TMF1: variants seen among roughly 807,000 people sequenced by gnomAD.
TMF1 encodes TATA element modulatory factor 1, also known as TATA element modulatory factor.
TMF1 carries 71 observed loss-of-function variants against 126.5 expected under a neutral mutation model. The ratio of observed to expected loss-of-function variants is 0.56; its 90% confidence interval spans 0.46 to 0.68. The LOEUF (loss-of-function observed/expected upper bound fraction) is 0.68. Among genes scored for constraint, TMF1 ranks in the 30% least tolerant of loss-of-function variants. The probability of loss-of-function intolerance (pLI) is 0.00; values close to 1 mark genes in which losing one functional copy is unlikely to be tolerated. For synonymous variants in TMF1, 461 were observed against 430.5 expected (o/e 1.07, Z -0.88); for missense variants, 1,259 against 1,253.2 (o/e 1.00, Z -0.07).
chr3:69,029,663 C>A (rs910636653), intron 11 of TMF1, 152 bp downstream of exon 11: 7 of 628,204 alleles, frequency 1.1e-5, no homozygotes, highest in African/African-American at 1.9e-5. Context: ...CTGGTCTCCA[C>A]CTCCTGACCT....
chr3:69,044,568 C>A lies in TMF1; in HGVS notation c.1375G>T (p.Glu459Ter). The A allele has an allele frequency of 6.2e-7, 1 of 1,607,560 alleles. No individual in the cohort carries two copies. Among genetic ancestry groups the A allele is most frequent in the Non-Finnish European group, 8.5e-7 (1 of 1,178,194 alleles). The change falls in exon 3 of 17, where the codon GAA becomes TAA. Residue 459 changes from glutamate to a stop codon, truncating the protein, a stop_gained. Transcript: ENST00000398559. LOFTEE classifies it high-confidence loss of function. ...KTVEFLNEKL[E>*]KREAQLLSLS... ...GATAATAACTGAGCCTCCCTTTTTT[C>A]CAGCTTTTCATTCAGAAATTCAACT...
chr3:69,042,375 G>A (rs770670657), intron 5 of TMF1: 14 of 455,834 alleles, frequency 3.1e-5, no homozygotes, highest in African/African-American at 8.0e-5. Context: ...AGACAAAAGT[G>A]CTTAATAATT....
At chr3:69,030,245 G>A (rs1575810348) in intron 10 of TMF1, 1 of 382,352 alleles carries the variant, frequency 2.6e-6, no homozygotes, top group Non-Finnish European at 4.7e-6. Flanking sequence ...CATTAAAAGA[G>A]TAGTGGATCA....
Position 69,023,182 on chromosome 3 carries a change from T to C in TMF1, c.3277A>G (p.Ser1093Gly). Residue 1093 changes from serine (S) to glycine (G), a missense_variant, in exon 17 of 17, where the codon AGT becomes GGT. Ser to Gly is a moderately conservative substitution (Grantham distance 56). Transcript: ENST00000398559. Reference sequence around the variant, plus strand: ...GGGAATTCAATTTTCACAAGTTAACTGAGACTTTGTCTTAAAAGTTCATCT... The same window carrying C: ...GGGAATTCAATTTTCACAAGTTAACCGAGACTTTGTCTTAAAAGTTCATCT... ...QIDELLRQSL[S>G] 1 of 1,609,574 alleles carries C rather than the reference T, an allele frequency of 6.2e-7. No homozygotes were observed. Among genetic ancestry groups the C allele is most frequent in the Non-Finnish European group, 8.5e-7 (1 of 1,177,186 alleles).
At chr3:69,026,119 T>A (rs746638304) in intron 13 of TMF1, 22 bp from the exon 14 acceptor site, 1 of 1,534,314 alleles carries the variant, frequency 6.5e-7, no homozygotes, top group African/African-American at 1.4e-5. Flanking sequence ...AAAAAAATTC[T>A]GTTCATATTA....
chr3:69,033,736 T>G, intron 9 of TMF1, 32 bp from the exon 10 acceptor site: 1 of 1,561,628 alleles, frequency 6.4e-7, no homozygotes, highest in Non-Finnish European at 8.6e-7. Context: ...TCATTACCAA[T>G]GACAGCAATA....
Position 69,028,280 on chromosome 3 carries a change from C to G in TMF1, c.2610G>C (p.Leu870Phe). The G allele has an allele frequency of 6.2e-7, 1 of 1,611,340 alleles. No homozygotes were observed. The highest frequency in any genetic ancestry group is 8.5e-7 in the Non-Finnish European group (1 of 1,177,984). The change falls in exon 12 of 17, where the codon TTG becomes TTC. Residue 870 changes from leucine (L) to phenylalanine (F), a missense_variant. Coordinates refer to ENST00000398559, the MANE Select transcript of TMF1 (RefSeq NM_007114.3). ...TTACATATTCATCTTTTAGGTTTTC[C>G]AATTCAACCTGGTACCTATTAAACA... is the stretch of plus-strand genomic sequence containing the variant. ...EDENNRYQVELENLKDEYVRT... is the reference protein window; with the variant it reads ...EDENNRYQVEFENLKDEYVRT...
In TMF1 at chr3:69,045,019, G is replaced by A. The variant is rs115312566; in HGVS notation, c.1348-424C>T. On this transcript the variant is annotated intron_variant, in intron 2 of 16. Transcript: ENST00000398559. Reference sequence around the variant, plus strand: ...CTGCATACACACCAAAAGAAGAAGGGAGATGGATGCAATCAAAAGAGGTCA... The same window carrying A: ...CTGCATACACACCAAAAGAAGAAGGAAGATGGATGCAATCAAAAGAGGTCA... Among the ~76,000 whole-genome samples, 366 of 152,306 alleles carry A rather than the reference G, an allele frequency of 2.4e-3. 1 individual carries two copies. Among genetic ancestry groups the A allele is most frequent in the African/African-American group, 8.3e-3 (346 of 41,572 alleles).
chr3:69,021,065 C>T lies in TMF1; in HGVS notation c.*2112G>A, dbSNP rs1269010108. 1.3e-5 allele frequency: 2 copies of T among 152,182 alleles called. No individual in the cohort carries two copies. Among genetic ancestry groups the T allele is most frequent in the African/African-American group, 4.8e-5 (2 of 41,438 alleles). 9.4% of individuals were successfully genotyped at this position (152,182 alleles called of 1,614,324 possible). On this transcript the variant is annotated 3_prime_UTR_variant, in exon 17 of 17. Transcript: ENST00000398559. Reference sequence around the variant, plus strand: ...GGTTTCGGTTACTCACGGTCAACCACAGTCTGATTACAGGTGAGTACAGTA... The same window carrying T: ...GGTTTCGGTTACTCACGGTCAACCATAGTCTGATTACAGGTGAGTACAGTA...
At chr3:69,051,178 G>C (rs142751419) in intron 1 of TMF1, among the ~76,000 whole-genome samples, 4 of 152,114 alleles carry the variant, frequency 2.6e-5, no homozygotes, top group African/African-American at 9.7e-5. Context: ...TTGTTCTGAA[G>C]ATGAGAAGGC....
chr3:69,030,855 T>C (rs2091797445), intron 10 of TMF1, among the ~76,000 whole-genome samples: 1 of 152,222 alleles, frequency 6.6e-6, no homozygotes, highest in South Asian at 2.1e-4. Flanking sequence ...TTTGGCATTT[T>C]CTTAAAAACA....
At chr3:69,040,948 G>T (rs1413375289) in intron 5 of TMF1, among the ~76,000 whole-genome samples, 2 of 151,576 alleles carry the variant, frequency 1.3e-5, no homozygotes, top group African/African-American at 4.8e-5. Context: ...TTTTTCTGGG[G>T]CACGCGGAAA....
intron 13 of TMF1, among the ~76,000 whole-genome samples, chr3:69,027,057 G>A (rs2091772113): frequency 6.6e-6 from 1 of 151,928 alleles, no homozygotes; most frequent in Non-Finnish European, 1.5e-5. Context: ...ATGCAGTGAT[G>A]CGATCTCGGC....
At chr3:69,051,737 A>C (rs2091930848) in intron 1 of TMF1, among the ~76,000 whole-genome samples, 1 of 152,140 alleles carries the variant, frequency 6.6e-6, no homozygotes, top group African/African-American at 2.4e-5. Context: ...AAAGAAAGAC[A>C]AGGGGGAACC....
intron 4 of TMF1, among the ~76,000 whole-genome samples, 200 bp downstream of exon 4, chr3:69,043,550 G>A (rs143438137): frequency 2.0e-5 from 3 of 152,156 alleles, no homozygotes; most frequent in Non-Finnish European, 2.9e-5. Context: ...CAAGTGATCC[G>A]CCCACTTCAG....
intron 6 of TMF1, 43 bp downstream of exon 6, chr3:69,039,508 A>T (rs372062081): frequency 4.3e-4 from 673 of 1,579,668 alleles, no homozygotes; most frequent in Non-Finnish European, 5.2e-4. Flanking sequence ...TCATACAGGA[A>T]GTAATAACAA....
At position 69,047,512 on chromosome 3, in the gene TMF1, C is replaced by G. The variant is rs769607190; in HGVS notation, c.1193G>C (p.Arg398Pro). 6.2e-7 allele frequency: 1 copy of G among 1,614,076 alleles called. No individual in the cohort carries two copies. Among genetic ancestry groups the G allele is most frequent in the Non-Finnish European group, 8.5e-7 (1 of 1,180,034 alleles). The change falls in exon 2 of 17, where the codon CGA becomes CCA. Residue 398 changes from arginine to proline, a missense_variant. By Grantham distance (103) the Arg-to-Pro change is moderately radical. Transcript: ENST00000398559. ...TEEAEMEESG[R>P]SATPVNCEQP... ...TTCACAGTTAACAGGAGTTGCACTT[C>G]GTCCACTTTCTTCCATTTCTGCTTC...
rs879604595 is a variant in TMF1 at position 69,052,303 on chromosome 3, C to G, written c.-217G>C. 1 of 435,934 alleles carries G rather than the reference C, an allele frequency of 2.3e-6. No individual in the cohort carries two copies. Among genetic ancestry groups the G allele is most frequent in the African/African-American group, 2.0e-5 (1 of 49,074 alleles). The allele number at this position is 435,934 out of a possible 1,614,324, so 27.0% of individuals were successfully genotyped here. ...GGGGGCCCATGTGCGCATGCGCTTG[C>G]TTCTTCCACGTACACAGCAACCAAA... On this transcript the variant is annotated 5_prime_UTR_variant, in exon 1 of 17. Coordinates refer to ENST00000398559, the MANE Select transcript of TMF1 (RefSeq NM_007114.3).
intron 5 of TMF1, among the ~76,000 whole-genome samples, chr3:69,041,490 T>G (rs2091864905): frequency 6.6e-6 from 1 of 152,196 alleles, no homozygotes; most frequent in Non-Finnish European, 1.5e-5. Context: ...ACCCTTTCTC[T>G]GGAAATTTAC....
Sources: gnomAD v4.1 joint callset for allele counts (sites outside exome capture counted in the v4.1 genomes callset) on GRCh38, gnomAD v4.1.1 for gene constraint, MANE v1.5 for transcripts, NCBI Gene and HGNC (gene_info 2026-07-23, HGNC 2026-07-21) for gene names.